Variants in ARID1A observed in about 807,000 individuals in gnomAD.
ARID1A encodes the protein AT-rich interaction domain 1A.
Under a neutral mutation model 212.6 loss-of-function variants are expected in ARID1A, and 20 were observed. The ratio of observed to expected loss-of-function variants is 0.09; its 90% confidence interval spans 0.07 to 0.14. The LOEUF is 0.14. Ranked by LOEUF, ARID1A falls within the 10% of genes least tolerant of loss-of-function variation. ARID1A has a pLI of 1.00. For synonymous variants in ARID1A, 1,376 were observed against 1,222.1 expected (o/e 1.13, Z -2.63); for missense variants, 2,587 against 3,059.0 (o/e 0.85, Z 3.64).
intron 4 of ARID1A, among the ~76,000 whole-genome samples, chr1:26,759,725 A>G (rs1474765990): frequency 6.6e-6 from 1 of 152,190 alleles, no homozygotes; most frequent in African/African-American, 2.4e-5. Flanking sequence ...TGAACTCTTT[A>G]TTGATTAACT....
chr1:26,731,504 C>T lies in ARID1A; in HGVS notation c.1703C>T (p.Pro568Leu), dbSNP rs1266458095. The T allele has an allele frequency of 6.2e-7, 1 of 1,613,844 alleles. No individual in the cohort carries two copies. The highest frequency in any genetic ancestry group is 8.5e-7 in the Non-Finnish European group (1 of 1,180,010). Reference sequence around the variant, plus strand: ...TACCAGCAGCAGCAACCTCAGCAGCCAGCACCCTCGACGCTCTCCCAGCAG... The same window carrying T: ...TACCAGCAGCAGCAACCTCAGCAGCTAGCACCCTCGACGCTCTCCCAGCAG... ...SPYQQQQPQQ[P>L]APSTLSQQAA... The change falls in exon 3 of 20, where the codon CCA (proline) becomes CTA (leucine). Residue 568 changes from proline to leucine, a missense_variant. Pro to Leu is a moderately conservative substitution (Grantham distance 98). Transcript: ENST00000324856.
Position 26,762,965 on chromosome 1 carries a change from C to T in ARID1A, c.2420-8C>T, listed in dbSNP as rs2081006366. 1.3e-6 allele frequency: 2 copies of T among 1,574,090 alleles called. No individual in the cohort carries two copies. The highest frequency in any genetic ancestry group is 2.7e-5 in the African/African-American group (2 of 74,422). ...GACTAACCAAGTCTTGTCTTCCTCC[C>T]CTCCCAGGTGGCTACCCCAGGCAGC... On this transcript the variant is annotated splice_region_variant and splice_polypyrimidine_tract_variant and intron_variant, in intron 7 of 19. Coordinates refer to ENST00000324856, the MANE Select transcript of ARID1A (RefSeq NM_006015.6).
chr1:26,765,592 CGGT>C (rs2081032213), intron 8 of ARID1A: 1 of 151,322 alleles, frequency 6.6e-6, no homozygotes, highest in Non-Finnish European at 1.5e-5. Context: ...TGGCCGGGCT[CGGT>C]GGCTCATGCC....
Position 26,774,604 on chromosome 1 carries a change from T to G in ARID1A, c.4377T>G (p.Phe1459Leu). 6.2e-7 allele frequency: 1 copy of G among 1,614,196 alleles called. No individual in the cohort carries two copies. The highest frequency in any genetic ancestry group is 1.1e-5 in the South Asian group (1 of 91,086). The change falls in exon 18 of 20, where the codon TTT becomes TTG. Residue 1459 changes from phenylalanine to leucine, a missense_variant. This residue lies in a region of ARID1A where 890 missense variants were observed against 1,098.2 expected (regional missense o/e 0.81). Transcript: ENST00000324856. This position sits in a 1 kb window ranked among gnomAD's most constrained non-coding sequence, Gnocchi z 5.6. ...GGPQNQFPFQ[F>L]GRDRVSAPPG... ...CCCAGAACCAATTTCCATTCCAGTTTGGCCGAGACCGTGTCTCTGCACCCC... is the reference window on the plus strand; with the variant it reads ...CCCAGAACCAATTTCCATTCCAGTTGGGCCGAGACCGTGTCTCTGCACCCC...
chr1:26,756,207 T>A (rs2080934864), intron 4 of ARID1A, among the ~76,000 whole-genome samples: 1 of 148,052 alleles, frequency 6.8e-6, no homozygotes, highest in Non-Finnish European at 1.5e-5. Flanking sequence ...AGCCCAGGAG[T>A]TCGAGACAAG....
At position 26,780,684 on chromosome 1, in the gene ARID1A, G is replaced by C. The variant is rs780467753; in HGVS notation, c.6786G>C (p.Ser2262=). 1 of 1,603,070 alleles carries C rather than the reference G, an allele frequency of 6.2e-7. No homozygotes were observed. Among genetic ancestry groups the C allele is most frequent in the East Asian group, 2.2e-5 (1 of 44,780 alleles). The change falls in exon 20 of 20, where the codon TCG becomes TCC. Residue 2262 remains serine, a synonymous_variant. Transcript: ENST00000324856. The surrounding 1 kb of genome is among the most constrained non-coding windows in gnomAD (Gnocchi z 7.2). ...ACGAATCACGGCTGTTGGACATCTC[G>C]GTATCACCGTTGATGAACTCATTGG... ...TLYESRLLDI[S]VSPLMNSLVS...
chr1:26,778,962 A>G (rs2124135933), intron 19 of ARID1A, 61 bp from the exon 20 acceptor site: 1 of 1,468,074 alleles, frequency 6.8e-7, no homozygotes, highest in South Asian at 1.5e-5. Flanking sequence ...TCTCAAGTCA[A>G]TAATTCTGTT....
At position 26,696,324 on chromosome 1, in the gene ARID1A, C is replaced by G. The variant is rs1179309665; in HGVS notation, c.-80C>G. 1.8e-6 allele frequency: 2 copies of G among 1,127,456 alleles called. No individual in the cohort carries two copies. Among genetic ancestry groups the G allele is most frequent in the Non-Finnish European group, 2.2e-6 (2 of 927,506 alleles). 69.8% of individuals were successfully genotyped at this position (1,127,456 alleles called of 1,614,324 possible). A position where few individuals can be genotyped will look rare whatever the true frequency, so the allele number is the denominator to read the frequency against. On this transcript the variant is annotated 5_prime_UTR_variant, in exon 1 of 20. Transcript: ENST00000324856. ...CGGGTGGGGAGGGCAGCCCGGGGGA[C>G]TGGGCCCCGGGGCGGGGTGGGAGGG...
Position 26,781,388 on chromosome 1 carries a change from A to G in ARID1A, c.*632A>G, listed in dbSNP as rs2081193288. 8.6e-6 allele frequency: 2 copies of G among 233,494 alleles called. No homozygotes were observed. The highest frequency in any genetic ancestry group is 1.8e-4 in the South Asian group (1 of 5,526). The allele number at this position is 233,494 out of a possible 1,614,324, so 14.5% of individuals were successfully genotyped here. On this transcript the variant is annotated 3_prime_UTR_variant, in exon 20 of 20. Transcript: ENST00000324856. ...ACATACTGTAATAATAATGTCTCACATGGAAACAGAAAACGCTGGGTCAGC... is the reference window on the plus strand; with the variant it reads ...ACATACTGTAATAATAATGTCTCACGTGGAAACAGAAAACGCTGGGTCAGC...
intron 8 of ARID1A, among the ~76,000 whole-genome samples, chr1:26,763,945 CA>C (rs1303293336): frequency 6.6e-6 from 1 of 152,034 alleles, no homozygotes; most frequent in Non-Finnish European, 1.5e-5. Context: ...CACACCACCA[CA>C]CCCAGCTAAT....
chr1:26,702,612 C>G (rs114791578), intron 1 of ARID1A, among the ~76,000 whole-genome samples: 18 of 152,234 alleles, frequency 1.2e-4, no homozygotes, highest in East Asian at 9.6e-4. Context: ...AATTAATAAA[C>G]AGTTTTCAAG....
intron 4 of ARID1A, among the ~76,000 whole-genome samples, chr1:26,759,607 C>T (rs2080972624): frequency 6.6e-6 from 1 of 152,106 alleles, no homozygotes; most frequent in South Asian, 2.1e-4. Context: ...AGTAATGTTG[C>T]TAGAGAATGA....
At chr1:26,719,507 A>G (rs929938138) in intron 1 of ARID1A, among the ~76,000 whole-genome samples, 6 of 152,210 alleles carry the variant, frequency 3.9e-5, no homozygotes, top group Non-Finnish European at 8.8e-5. Flanking sequence ...GGCATTTCAC[A>G]TACTTATCGT....
chr1:26,766,554 A>G lies in ARID1A; in HGVS notation c.2976A>G (p.Glu992=). 6.2e-7 allele frequency: 1 copy of G among 1,611,178 alleles called. No individual in the cohort carries two copies. The highest frequency in any genetic ancestry group is 8.5e-7 in the Non-Finnish European group (1 of 1,178,644). The part of the protein sequence containing the change: ...NNKADGTPKT[E]SKSKKSSSST... ...AGGCAGATGGGACACCCAAGACAGA[A>G]TCCAAATCCAAGGTAGTGATTTTTG... The change falls in exon 10 of 20, where the codon GAA becomes GAG. Residue 992 remains glutamate (E), a synonymous_variant. Transcript: ENST00000324856.
intron 4 of ARID1A, among the ~76,000 whole-genome samples, chr1:26,750,189 C>T (rs952744348): frequency 3.9e-5 from 6 of 152,168 alleles, no homozygotes; most frequent in Admixed American, 1.3e-4. Context: ...GGGAACTAGT[C>T]CTGTGACTTG....
At chr1:26,760,778 A>G in intron 4 of ARID1A, 78 bp from the exon 5 acceptor site, 1 of 1,452,404 alleles carries the variant, frequency 6.9e-7, no homozygotes, top group Non-Finnish European at 9.4e-7. Context: ...GGAAAATGCT[A>G]AGCAAGTAGT....
intron 4 of ARID1A, among the ~76,000 whole-genome samples, chr1:26,749,016 T>C (rs1028998606): frequency 6.6e-6 from 1 of 151,916 alleles, no homozygotes; most frequent in East Asian, 1.9e-4. Context: ...ATACAAAAAA[T>C]TAGCTGGGCA....
At chr1:26,775,308 TG>T in intron 18 of ARID1A, 88 bp downstream of exon 18, 1 of 1,491,494 alleles carries the variant, frequency 6.7e-7, no homozygotes. Context: ...TGGATGAGGT[TG>T]AATCTGGTCC....
chr1:26,726,660 T>C (rs953528500), intron 1 of ARID1A, among the ~76,000 whole-genome samples: 1 of 152,236 alleles, frequency 6.6e-6, no homozygotes, highest in African/African-American at 2.4e-5. Flanking sequence ...TAGTGTCTCC[T>C]ACCCTTTTTT....
Sources: gnomAD v4.1 joint callset for allele counts (sites outside exome capture counted in the v4.1 genomes callset) on GRCh38, gnomAD v4.1.1 for gene constraint, gnomAD v4.1.1 regional missense constraint, Gnocchi (gnomAD v3.1) non-coding constraint, MANE v1.5 for transcripts, NCBI Gene and HGNC (gene_info 2026-07-23, HGNC 2026-07-21) for gene names.